Variants in EIF4G3 observed in about 807,000 individuals in gnomAD.
EIF4G3 encodes eIF-4-gamma 3.
A neutral mutation model predicts 186.4 loss-of-function variants in EIF4G3; 34 were observed. The ratio of observed to expected loss-of-function variants is 0.18; its 90% CI spans 0.14 to 0.24. The LOEUF (loss-of-function observed/expected upper bound fraction) is 0.24, where lower values mean the gene tolerates loss of function less well. EIF4G3 is among the 10% of genes least tolerant of loss of function. The pLI is 1.00. For synonymous variants in EIF4G3, 673 were observed against 679.5 expected, an observed-to-expected ratio of 0.99 and a Z score of 0.15; for missense variants, 1,536 against 1,948.5, an observed-to-expected ratio of 0.79 and a Z score of 3.99.
intron 34 of EIF4G3, among the ~76,000 whole-genome samples, chr1:20,815,423 C>G (rs1344932414): frequency 6.8e-6 from 1 of 147,744 alleles, no homozygotes; most frequent in Non-Finnish European, 1.5e-5. Context: ...GGGAGCGCCT[C>G]TGCCCCGCCG....
intron 2 of EIF4G3, among the ~76,000 whole-genome samples, chr1:21,113,777 A>AGG (rs1416833019): frequency 1.3e-5 from 2 of 152,160 alleles, no homozygotes; most frequent in Admixed American, 1.3e-4. Context: ...GTACTTTGGG[A>AGG]GGCTGAGGCA....
At chr1:20,889,691 C>T (rs984924349) in intron 18 of EIF4G3, among the ~76,000 whole-genome samples, 5 of 152,164 alleles carry the variant, frequency 3.3e-5, no homozygotes, top group East Asian at 3.9e-4. Flanking sequence ...GGGGTTTCAC[C>T]GTGTTAGCCA....
rs1558363606 is a variant in EIF4G3, at chr1:20,943,974, T to TGTGTGTG, written c.824-1645_824-1644insCACACAC. On this transcript the variant is annotated intron_variant, in intron 13 of 36. Coordinates refer to ENST00000602326, the MANE Select transcript of EIF4G3 (RefSeq NM_001391906.1). ...TCAGGAAAACTTGTCTTTATTTTTT[T>TGTGTGTG]TGTGTGTGTGTGTGTGTGTGTGTGT... 6.2e-4 allele frequency among the ~76,000 whole-genome samples: 39 copies of TGTGTGTG among 62,536 alleles called. 2 individuals carry two copies. Among genetic ancestry groups the TGTGTGTG allele is most frequent in the African/African-American group, 1.7e-3 (32 of 18,294 alleles). 41.0% of individuals were successfully genotyped at this position (62,536 alleles called of 152,430 possible).
intron 10 of EIF4G3, among the ~76,000 whole-genome samples, chr1:20,976,443 A>G (rs1469811618): frequency 6.6e-6 from 1 of 151,944 alleles, no homozygotes; most frequent in Non-Finnish European, 1.5e-5. Context: ...TGATACTGGC[A>G]GTAAACGGCA....
intron 2 of EIF4G3, among the ~76,000 whole-genome samples, chr1:21,135,521 AAAG>A (rs2097222634): frequency 6.6e-6 from 1 of 152,216 alleles, no homozygotes; most frequent in Admixed American, 6.5e-5. Context: ...AAATAAAAAC[AAAG>A]AAAATTAAAT....
intron 33 of EIF4G3, among the ~76,000 whole-genome samples, chr1:20,822,942 A>T (rs1401300597): frequency 6.6e-6 from 1 of 152,132 alleles, no homozygotes; most frequent in East Asian, 1.9e-4. Flanking sequence ...TGCACAGGGA[A>T]TTCTACATTT....
At chr1:20,982,248 C>G (rs1384618556) in intron 8 of EIF4G3, 140 bp downstream of exon 8, 1 of 646,282 alleles carries the variant, frequency 1.5e-6, no homozygotes, top group Non-Finnish European at 2.5e-6. Context: ...ATAATTTTCA[C>G]TGCAAGATTA....
intron 2 of EIF4G3, among the ~76,000 whole-genome samples, chr1:21,120,922 T>C (rs781073812): frequency 3.9e-5 from 6 of 152,026 alleles, no homozygotes; most frequent in Non-Finnish European, 8.8e-5. Flanking sequence ...TGTAAAATGG[T>C]TTTTGGGGTG....
chr1:20,997,858 A>G (rs969917460), intron 6 of EIF4G3, among the ~76,000 whole-genome samples: 3 of 152,200 alleles, frequency 2.0e-5, no homozygotes, highest in Admixed American at 2.0e-4. Context: ...TCATTTATCA[A>G]CTGGGAGAGA....
intron 3 of EIF4G3, among the ~76,000 whole-genome samples, chr1:21,084,215 C>A: frequency 1.3e-5 from 2 of 149,796 alleles, no homozygotes. Flanking sequence ...ATAGAACTAC[C>A]TGAGACTGTG....
chr1:21,123,522 A>G (rs952917817), intron 2 of EIF4G3, among the ~76,000 whole-genome samples: 5 of 150,634 alleles, frequency 3.3e-5, no homozygotes, highest in Non-Finnish European at 4.4e-5. Context: ...CCAAGATTGC[A>G]CCACTGCATT....
At chr1:21,116,914 T>G (rs1003409050) in intron 2 of EIF4G3, among the ~76,000 whole-genome samples, 1 of 152,004 alleles carries the variant, frequency 6.6e-6, no homozygotes, top group Non-Finnish European at 1.5e-5. Context: ...TTTTTATAAT[T>G]TTCCATATGC....
chr1:20,879,343 T>G lies in EIF4G3; in HGVS notation c.2602A>C (p.Met868Leu), dbSNP rs1316048374. 8.7e-6 allele frequency: 14 copies of G among 1,600,714 alleles called. No homozygotes were observed. The highest frequency in any genetic ancestry group is 1.7e-4 in the Middle Eastern group (1 of 6,054). Residue 868 changes from methionine to leucine, a missense_variant, in exon 20 of 37, where the codon ATG becomes CTG. Met to Leu is a conservative substitution (Grantham distance 15). This residue lies in a region of EIF4G3 where 77 missense variants were observed against 131.6 expected (regional missense o/e 0.59). Transcript: ENST00000602326. ...CTTACCGTTACTAGACATCGACACATGTTTGCGTAAGCCACAGAGAAACTG... is the reference window on the plus strand; with the variant it reads ...CTTACCGTTACTAGACATCGACACAGGTTTGCGTAAGCCACAGAGAAACTG... ...EPSFSVAYAN[M>L]CRCLVTLKVP...
chr1:21,091,349 T>TG (rs1435270943), intron 2 of EIF4G3, among the ~76,000 whole-genome samples: 1 of 151,900 alleles, frequency 6.6e-6, no homozygotes, highest in Non-Finnish European at 1.5e-5. Context: ...TTAGTAGAGA[T>TG]GGGGCTTTGC....
At chr1:21,064,912 T>C (rs1382191794) in intron 3 of EIF4G3, 1 of 152,184 alleles carries the variant, frequency 6.6e-6, no homozygotes, top group African/African-American at 2.4e-5. Flanking sequence ...CTCTTTCTTA[T>C]GTTCAAAATC....
chr1:20,917,750 A>G (rs1442281857), intron 14 of EIF4G3, among the ~76,000 whole-genome samples: 2 of 152,186 alleles, frequency 1.3e-5, no homozygotes, highest in Non-Finnish European at 2.9e-5. Context: ...TTATGTGTAC[A>G]TTAACCTTAC....
intron 2 of EIF4G3, among the ~76,000 whole-genome samples, chr1:21,114,136 T>A (rs910772131): frequency 9.2e-5 from 14 of 152,208 alleles, no homozygotes; most frequent in African/African-American, 3.4e-4. Context: ...TAATTTTCAC[T>A]TGAAAGCTGT....
At position 20,810,096 on chromosome 1, in the gene EIF4G3, G is replaced by A. The variant is rs1442866386; in HGVS notation, c.4744+642C>T. Among the ~76,000 whole-genome samples the A allele has an allele frequency of 2.6e-5, 4 of 151,232 alleles. No individual in the cohort carries two copies. The highest frequency in any genetic ancestry group is 5.9e-5 in the Non-Finnish European group (4 of 67,952). On this transcript the variant is annotated intron_variant, in intron 36 of 36. Coordinates refer to ENST00000602326, the MANE Select transcript of EIF4G3 (RefSeq NM_001391906.1). The surrounding 1 kb of genome is among the most constrained non-coding windows in gnomAD (Gnocchi z 4.1). ...AGTGATTCTCGTGCTTCAGCTTTCTGAGTAGCTGTAGCTGGGACTACAGGC... is the reference window on the plus strand; with the variant it reads ...AGTGATTCTCGTGCTTCAGCTTTCTAAGTAGCTGTAGCTGGGACTACAGGC...
At chr1:20,905,258 A>C (rs570870193) in intron 14 of EIF4G3, among the ~76,000 whole-genome samples, 1 of 152,312 alleles carries the variant, frequency 6.6e-6, no homozygotes, top group South Asian at 2.1e-4. Flanking sequence ...TACATACATA[A>C]GAAAACTGAC....
Sources: allele counts gnomAD v4.1 joint callset (sites outside exome capture counted in the v4.1 genomes callset), GRCh38; gene constraint gnomAD v4.1.1; regional missense constraint gnomAD v4.1.1; non-coding constraint Gnocchi (gnomAD v3.1); transcripts MANE v1.5; gene names NCBI Gene and HGNC (gene_info 2026-07-23, HGNC 2026-07-21).